OTUD7A: variants seen among roughly 807,000 people sequenced by gnomAD.
OTUD7A encodes the protein OTU domain-containing protein 7A.
A neutral mutation model predicts 65.7 loss-of-function variants in OTUD7A; 12 were observed. The ratio of observed to expected loss-of-function variants is 0.18; its 90% CI spans 0.12 to 0.30. OTUD7A has a LOEUF of 0.30. Among genes scored for constraint, OTUD7A ranks in the 10% least tolerant of loss-of-function variants. OTUD7A has a pLI of 1.00. For missense variants in OTUD7A, 1,148 were observed against 1,304.8 expected (o/e 0.88, Z 1.85); for synonymous variants, 641 against 586.3 (o/e 1.09, Z -1.35).
At chr15:31,529,762 C>T (rs1288164714) in intron 6 of OTUD7A, among the ~76,000 whole-genome samples, 1 of 152,178 alleles carries the variant, frequency 6.6e-6, no homozygotes, top group Admixed American at 6.5e-5. Flanking sequence ...AGAGAGAGGT[C>T]TGGGGGCTGG....
At chr15:31,703,270 T>C (rs1039326017) in intron 1 of OTUD7A, among the ~76,000 whole-genome samples, 45 of 152,192 alleles carry the variant, frequency 3.0e-4, no homozygotes, top group African/African-American at 1.1e-3. Flanking sequence ...CTTGAACTTT[T>C]TGTTCTGTGA....
chr15:31,847,209 G>T (rs1458851352), intron 1 of OTUD7A, among the ~76,000 whole-genome samples: 1 of 152,222 alleles, frequency 6.6e-6, no homozygotes, highest in African/African-American at 2.4e-5. Flanking sequence ...TGTAAATACA[G>T]TTCATACATG....
chr15:31,569,963 AG>A, intron 4 of OTUD7A, 54 bp downstream of exon 4: 2 of 1,588,590 alleles, frequency 1.3e-6, no homozygotes, highest in South Asian at 2.2e-5. Flanking sequence ...CCCGCCTGCA[AG>A]CTGCGGTGCA....
At chr15:31,665,374 T>C (rs1008359891) in intron 1 of OTUD7A, among the ~76,000 whole-genome samples, 2 of 152,164 alleles carry the variant, frequency 1.3e-5, no homozygotes, top group African/African-American at 4.8e-5. Flanking sequence ...AGGTCTTTCA[T>C]CTCCTTGGTT....
chr15:31,730,125 C>G (rs1894001312), intron 1 of OTUD7A, among the ~76,000 whole-genome samples: 1 of 152,178 alleles, frequency 6.6e-6, no homozygotes, highest in Non-Finnish European at 1.5e-5. Context: ...TCCTCTCTCT[C>G]TGCCATGTGA....
At chr15:31,681,010 T>C (rs1191878513) in intron 1 of OTUD7A, among the ~76,000 whole-genome samples, 3 of 148,012 alleles carry the variant, frequency 2.0e-5, no homozygotes, top group Non-Finnish European at 4.4e-5. Flanking sequence ...TAAAAATATA[T>C]GTATCGGTCT....
intron 1 of OTUD7A, among the ~76,000 whole-genome samples, chr15:31,722,161 G>A (rs796886290): frequency 5.1e-4 from 77 of 152,264 alleles, no homozygotes; most frequent in Non-Finnish European, 9.9e-4. Flanking sequence ...AAGGGCCCCC[G>A]ATCCCTCTGA....
chr15:31,681,185 C>T (rs935376413), intron 1 of OTUD7A, among the ~76,000 whole-genome samples: 3 of 151,550 alleles, frequency 2.0e-5, no homozygotes, highest in Non-Finnish European at 4.4e-5. Flanking sequence ...TGTCTGCCTT[C>T]CTCTTTCCTG....
intron 1 of OTUD7A, among the ~76,000 whole-genome samples, chr15:31,827,146 A>G (rs1351917533): frequency 1.3e-5 from 2 of 152,158 alleles, no homozygotes; most frequent in African/African-American, 4.8e-5. Context: ...AATTTACTGT[A>G]TTAGTCCGTT....
chr15:31,693,099 T>C (rs1892994529), intron 1 of OTUD7A, among the ~76,000 whole-genome samples: 1 of 152,200 alleles, frequency 6.6e-6, no homozygotes, highest in Non-Finnish European at 1.5e-5. Context: ...GGCCAGGTGT[T>C]CATCTCTGCC....
rs1452455639 is a variant in OTUD7A at position 31,483,745 on chromosome 15, G to A, written c.2351C>T (p.Ser784Leu). 3.6e-6 allele frequency: 4 copies of A among 1,099,462 alleles called. No individual in the cohort carries two copies. The highest frequency in any genetic ancestry group is 5.7e-5 in the East Asian group (1 of 17,428). 68.1% of individuals were successfully genotyped at this position (1,099,462 alleles called of 1,614,324 possible). ...CGCGCACGCCTCGTCCCGCGCGCCC[G>A]ACGCCTGCACGTGGATGACGCTCTG... ...ARQSVIHVQASGARDEACAPA... is the reference protein window; with the variant it reads ...ARQSVIHVQALGARDEACAPA... The change falls in exon 13 of 13, where the codon TCG (serine) becomes TTG (leucine). Residue 784 changes from serine to leucine, a missense_variant. Physicochemically the swap from Ser to Leu is moderately radical, Grantham distance 145 (BLOSUM62 -2). This residue lies in a region of OTUD7A where 842 missense variants were observed against 769.5 expected (regional missense o/e 1.09). Coordinates refer to ENST00000307050, the MANE Select transcript of OTUD7A (RefSeq NM_001382637.1).
intron 3 of OTUD7A, among the ~76,000 whole-genome samples, chr15:31,647,085 G>A (rs1410661207): frequency 8.5e-5 from 13 of 152,084 alleles, no homozygotes. Flanking sequence ...TGGTCTAACG[G>A]CAGAGCTCTC....
At chr15:31,533,655 G>GAAA (rs1172887849) in intron 5 of OTUD7A, among the ~76,000 whole-genome samples, 1 of 152,172 alleles carries the variant, frequency 6.6e-6, no homozygotes. Flanking sequence ...CTACCTTAAA[G>GAAA]AAATGGCTAA....
At chr15:31,618,691 G>C (rs929888091) in intron 3 of OTUD7A, among the ~76,000 whole-genome samples, 3 of 152,124 alleles carry the variant, frequency 2.0e-5, no homozygotes, top group African/African-American at 7.2e-5. Flanking sequence ...TGTCAGATAA[G>C]TAAATTGCAA....
At position 31,498,891 on chromosome 15, in the gene OTUD7A, C is replaced by T. The variant is rs1221536724; in HGVS notation, c.1171+2799G>A. On this transcript the variant is annotated intron_variant, in intron 10 of 12. Coordinates refer to ENST00000307050, the MANE Select transcript of OTUD7A (RefSeq NM_001382637.1). The surrounding 1 kb of genome is among the most constrained non-coding windows in gnomAD (Gnocchi z 4.2). ...GTCCCACCAGCTCCTGACCTTCCACCTCAAGCCCTTCCCTCTCCCCATGTT... is the reference window on the plus strand; with the variant it reads ...GTCCCACCAGCTCCTGACCTTCCACTTCAAGCCCTTCCCTCTCCCCATGTT... 5.9e-5 allele frequency among the ~76,000 whole-genome samples: 9 copies of T among 152,200 alleles called. No individual in the cohort carries two copies. The highest frequency in any genetic ancestry group is 1.7e-4 in the African/African-American group (7 of 41,436).
intron 1 of OTUD7A, among the ~76,000 whole-genome samples, chr15:31,758,444 C>T (rs1894873721): frequency 6.6e-6 from 1 of 151,948 alleles, no homozygotes; most frequent in Middle Eastern, 3.2e-3. Context: ...CAGGTACGAT[C>T]ACACAAACTC....
At chr15:31,579,585 G>C (rs1889309595) in intron 3 of OTUD7A, among the ~76,000 whole-genome samples, 1 of 152,002 alleles carries the variant, frequency 6.6e-6, no homozygotes, top group East Asian at 1.9e-4. Context: ...TAAAACTTAT[G>C]ATTTCTGGAA....
At chr15:31,778,217 A>T (rs1487744159) in intron 1 of OTUD7A, among the ~76,000 whole-genome samples, 1 of 152,186 alleles carries the variant, frequency 6.6e-6, no homozygotes, top group Non-Finnish European at 1.5e-5. Context: ...CCTTGTCTAC[A>T]AGGCTGTTCT....
intron 1 of OTUD7A, among the ~76,000 whole-genome samples, chr15:31,796,092 GTC>G (rs1298223898): frequency 2.0e-5 from 3 of 151,768 alleles, no homozygotes; most frequent in African/African-American, 7.3e-5. Context: ...GTGAACTTGA[GTC>G]TCTGTAACAT....
Sources: allele counts gnomAD v4.1 joint callset (sites outside exome capture counted in the v4.1 genomes callset), GRCh38; gene constraint gnomAD v4.1.1; regional missense constraint gnomAD v4.1.1; non-coding constraint Gnocchi (gnomAD v3.1); transcripts MANE v1.5; gene names NCBI Gene and HGNC (gene_info 2026-07-23, HGNC 2026-07-21).